The following MMP26 variants were observed in gnomAD, a reference collection of about 807,000 sequenced individuals.
The protein encoded by MMP26 is matrix metallopeptidase 26, also known as matrix metalloproteinase-26.
A neutral mutation model predicts 31.0 loss-of-function variants in MMP26; 33 were observed. The ratio of observed to expected loss-of-function variants is 1.06; its 90% CI spans 0.81 to 1.42. The LOEUF is 1.42. Ranked by LOEUF, MMP26 falls within the 40% of genes most tolerant of loss-of-function variation. The pLI, the probability that MMP26 is intolerant of heterozygous loss-of-function variation, is 0.00. For synonymous variants in MMP26, 122 were observed against 114.9 expected, an observed-to-expected ratio of 1.06 and a Z score of -0.40; for missense variants, 347 against 316.1, an observed-to-expected ratio of 1.10 and a Z score of -0.74.
At chr11:4,769,733 T>A in intron 2 of MMP26, 1 of 1,613,818 alleles carries the variant, frequency 6.2e-7, no homozygotes, top group Non-Finnish European at 8.5e-7. Flanking sequence ...GAGGAAATAA[T>A]ACATGGGTTC....
chr11:4,955,862 A>T, intron 2 of MMP26: 1 of 619,992 alleles, frequency 1.6e-6, no homozygotes. Context: ...CTTTCTTTTG[A>T]GAGAACAAAG....
chr11:4,942,644 T>C (rs1479748111), intron 2 of MMP26, among the ~76,000 whole-genome samples: 1 of 152,214 alleles, frequency 6.6e-6, no homozygotes, highest in Non-Finnish European at 1.5e-5. Flanking sequence ...GATATTTTCA[T>C]CTTGCTTTTG....
At chr11:4,772,021 A>G (rs1007318370) in intron 2 of MMP26, among the ~76,000 whole-genome samples, 4 of 152,166 alleles carry the variant, frequency 2.6e-5, no homozygotes, top group African/African-American at 9.7e-5. Flanking sequence ...ATGAGGAAGG[A>G]TAGACTACAG....
intron 2 of MMP26, among the ~76,000 whole-genome samples, chr11:4,958,340 C>T (rs1223464509): frequency 6.6e-6 from 1 of 152,208 alleles, no homozygotes; most frequent in African/African-American, 2.4e-5. Flanking sequence ...TCGTATCTCA[C>T]TCTTTTTATT....
intron 2 of MMP26, among the ~76,000 whole-genome samples, chr11:4,949,609 G>A (rs1342011342): frequency 8.2e-6 from 1 of 121,798 alleles, no homozygotes; most frequent in Admixed American, 9.4e-5. Flanking sequence ...TAGGAAATAA[G>A]AGTTGAAAAA....
chr11:4,988,785 A>C (rs1385430149), intron 3 of MMP26, among the ~76,000 whole-genome samples: 2 of 152,224 alleles, frequency 1.3e-5, no homozygotes, highest in African/African-American at 4.8e-5. Flanking sequence ...AAAATACCTA[A>C]AAAATGTTAT....
chr11:4,793,479 A>G (rs1462958918), intron 2 of MMP26, among the ~76,000 whole-genome samples: 1 of 152,208 alleles, frequency 6.6e-6, no homozygotes, highest in African/African-American at 2.4e-5. Flanking sequence ...TCCAGAATGT[A>G]GGATTATTCT....
At chr11:4,936,578 T>C (rs966253713) in intron 2 of MMP26, among the ~76,000 whole-genome samples, 2 of 152,142 alleles carry the variant, frequency 1.3e-5, no homozygotes, top group Admixed American at 1.3e-4. Flanking sequence ...AATAGTTAGA[T>C]CTTCACTGAT....
At chr11:4,928,919 A>T (rs1851308977) in intron 2 of MMP26, among the ~76,000 whole-genome samples, 1 of 152,176 alleles carries the variant, frequency 6.6e-6, no homozygotes, top group Non-Finnish European at 1.5e-5. Context: ...AATGAAATGT[A>T]ATGGAACACA....
intron 1 of MMP26, among the ~76,000 whole-genome samples, chr11:4,713,965 A>G (rs1419913167): frequency 6.6e-6 from 1 of 152,164 alleles, no homozygotes; most frequent in Non-Finnish European, 1.5e-5. Flanking sequence ...GGGAAGCTTC[A>G]TACTCTGGGG....
chr11:4,816,900 C>T (rs1849428687), intron 2 of MMP26, among the ~76,000 whole-genome samples: 2 of 149,756 alleles, frequency 1.3e-5, no homozygotes, highest in Admixed American at 6.7e-5. Flanking sequence ...TTAGTAGAAA[C>T]GTGGTTTCAC....
At chr11:4,766,693 T>TCCCCTCCC (rs1554931044) in intron 1 of MMP26, among the ~76,000 whole-genome samples, 1 of 49,342 alleles carries the variant, frequency 2.0e-5, no homozygotes, top group Non-Finnish European at 3.9e-5. Context: ...CCACTTTCCT[T>TCCCCTCCC]TCCCTCCCTC....
chr11:4,936,157 A>G lies in MMP26; in HGVS notation c.-144-51911A>G, dbSNP rs867598202. Among the ~76,000 whole-genome samples the G allele has an allele frequency of 8.1e-4, 121 of 148,774 alleles. No homozygotes were observed. The Middle Eastern group carries it at 0.01, about 13-fold the overall frequency. ...GAATAGTTTCAGAAGGAATGGTACC[A>G]GTTCCTCCTTGTACCTCTGGTAGAA... On this transcript the variant is annotated intron_variant, in intron 2 of 7. Transcript: ENST00000380390.
At chr11:4,721,421 A>G (rs931631326) in intron 1 of MMP26, among the ~76,000 whole-genome samples, 2 of 152,168 alleles carry the variant, frequency 1.3e-5, no homozygotes, top group South Asian at 2.1e-4. Flanking sequence ...CCAAATATCT[A>G]CTTCTCCTAG....
At chr11:4,947,006 G>A in intron 2 of MMP26, 1 of 1,588,358 alleles carries the variant, frequency 6.3e-7, no homozygotes, top group Non-Finnish European at 8.6e-7. Context: ...GCTGCAGATG[G>A]GGATAGAGAT....
chr11:4,906,085 A>C (rs1321089378), intron 2 of MMP26, among the ~76,000 whole-genome samples: 2 of 152,208 alleles, frequency 1.3e-5, no homozygotes, highest in Non-Finnish European at 2.9e-5. Flanking sequence ...ACTACTGTAG[A>C]GCTTCAAATG....
intron 1 of MMP26, among the ~76,000 whole-genome samples, chr11:4,754,942 A>G (rs1848488208): frequency 6.6e-6 from 1 of 151,868 alleles, no homozygotes; most frequent in Non-Finnish European, 1.5e-5. Flanking sequence ...TGTATATCCT[A>G]TTTTCACCAC....
intron 1 of MMP26, among the ~76,000 whole-genome samples, chr11:4,724,379 C>T (rs1848068335): frequency 6.6e-6 from 1 of 152,168 alleles, no homozygotes; most frequent in African/African-American, 2.4e-5. Context: ...TTGTAGGGAT[C>T]TGGACACAAA....
intron 1 of MMP26, among the ~76,000 whole-genome samples, chr11:4,764,787 G>A (rs1848608274): frequency 6.6e-6 from 1 of 152,102 alleles, no homozygotes; most frequent in South Asian, 2.1e-4. Context: ...GCAGGAGAAT[G>A]GCGTGAACCC....
Sources: allele counts gnomAD v4.1 joint callset (sites outside exome capture counted in the v4.1 genomes callset), GRCh38; gene constraint gnomAD v4.1.1; transcripts MANE v1.5; gene names NCBI Gene and HGNC (gene_info 2026-07-23, HGNC 2026-07-21).